The following SLC24A3 variants were observed in gnomAD, a reference collection of about 807,000 sequenced individuals.
The protein encoded by SLC24A3 is solute carrier family 24 member 3, also known as sodium/potassium/calcium exchanger 3.
Under a neutral mutation model 75.8 loss-of-function variants are expected in SLC24A3, and 28 were observed. The ratio of observed to expected loss-of-function variants is 0.37; its 90% CI spans 0.27 to 0.51. The LOEUF is 0.51. Among genes scored for constraint, SLC24A3 ranks in the 20% least tolerant of loss-of-function variants. SLC24A3 has a pLI of 0.94. For missense variants in SLC24A3, 663 were observed against 847.8 expected (o/e 0.78, Z 2.71); for synonymous variants, 372 against 334.1 (o/e 1.11, Z -1.24).
intron 2 of SLC24A3, among the ~76,000 whole-genome samples, chr20:19,300,807 G>A (rs1293035106): frequency 6.6e-6 from 1 of 152,138 alleles, no homozygotes; most frequent in East Asian, 1.9e-4. Context: ...GAGGCAGGCA[G>A]GAGGTTTCCA....
intron 2 of SLC24A3, among the ~76,000 whole-genome samples, chr20:19,286,126 C>T (rs753986401): frequency 6.6e-6 from 1 of 152,106 alleles, no homozygotes; most frequent in African/African-American, 2.4e-5. Context: ...CCTAAGGCCT[C>T]GAAAAGTGAA....
chr20:19,218,694 C>A (rs73124804), intron 1 of SLC24A3, among the ~76,000 whole-genome samples: 1 of 143,922 alleles, frequency 6.9e-6, no homozygotes, highest in African/African-American at 2.6e-5. Flanking sequence ...TTGTGGGAAG[C>A]TTTTTTTTTT....
chr20:19,662,209 C>A (rs1218336461), intron 7 of SLC24A3, among the ~76,000 whole-genome samples: 1 of 152,144 alleles, frequency 6.6e-6, no homozygotes, highest in Non-Finnish European at 1.5e-5. Flanking sequence ...TATCGCAGAG[C>A]CTGGCCCCCA....
chr20:19,283,586 A>C (rs1983720516), intron 2 of SLC24A3, among the ~76,000 whole-genome samples: 1 of 152,174 alleles, frequency 6.6e-6, no homozygotes, highest in Non-Finnish European at 1.5e-5. Context: ...TTTCCAGCCC[A>C]ATTGCAAACA....
intron 3 of SLC24A3, among the ~76,000 whole-genome samples, chr20:19,532,448 G>A (rs377021443): frequency 1.3e-5 from 2 of 152,180 alleles, no homozygotes; most frequent in South Asian, 2.1e-4. Context: ...CACCACAGTG[G>A]GGCCCCATCT....
chr20:19,298,776 C>T (rs1451510493), intron 2 of SLC24A3, among the ~76,000 whole-genome samples: 1 of 152,130 alleles, frequency 6.6e-6, no homozygotes, highest in East Asian at 1.9e-4. Flanking sequence ...TCCCAGTTAC[C>T]ACTGTGAGCA....
At chr20:19,617,482 G>C (rs1044148299) in intron 6 of SLC24A3, among the ~76,000 whole-genome samples, 3 of 152,180 alleles carry the variant, frequency 2.0e-5, no homozygotes, top group Non-Finnish European at 2.9e-5. Context: ...GCAGGGCTTT[G>C]AGGTGTCCAT....
chr20:19,431,907 TTCTGG>T (rs1274334750), intron 2 of SLC24A3, among the ~76,000 whole-genome samples: 14 of 151,794 alleles, frequency 9.2e-5, no homozygotes, highest in Admixed American at 9.2e-4. Context: ...AAGAAAGACT[TTCTGG>T]ATGGTGAGGG....
At chr20:19,427,590 C>T (rs547150470) in intron 2 of SLC24A3, among the ~76,000 whole-genome samples, 46 of 152,312 alleles carry the variant, frequency 3.0e-4, no homozygotes, top group African/African-American at 1.1e-3. Flanking sequence ...GGTGTGAAGA[C>T]GCTCCCTGTG....
rs368470596 is a variant in SLC24A3, at chr20:19,685,219, C to A, written c.1182C>A (p.Gly394=). The change falls in exon 12 of 17, where the codon GGC becomes GGA. Residue 394 remains glycine (G), a synonymous_variant. Coordinates refer to ENST00000328041, the MANE Select transcript of SLC24A3 (RefSeq NM_020689.4). ...GTGPSSAPDR[G]VNGTRRDDVV... is the part of the protein sequence containing the mutation. ...GGCCCAGCAGTGCCCCAGACAGGGG[C>A]GTGAATGGGACACGGAGGGACGATG... is the stretch of plus-strand genomic sequence containing the variant. 2 of 1,613,966 alleles carry A rather than the reference C, an allele frequency of 1.2e-6. No homozygotes were observed. The highest frequency in any genetic ancestry group is 2.7e-5 in the African/African-American group (2 of 74,974).
At chr20:19,428,621 T>G (rs576872654) in intron 2 of SLC24A3, among the ~76,000 whole-genome samples, 10 of 152,266 alleles carry the variant, frequency 6.6e-5, no homozygotes, top group African/African-American at 2.4e-4. Context: ...CTCCTTTGAG[T>G]GGGCAGGATA....
intron 15 of SLC24A3, among the ~76,000 whole-genome samples, chr20:19,706,841 G>A (rs1033488360): frequency 6.6e-6 from 1 of 152,170 alleles, no homozygotes; most frequent in Non-Finnish European, 1.5e-5. Context: ...AGAGAGAATA[G>A]GGTGATTGGA....
chr20:19,712,273 G>C (rs917414295), intron 15 of SLC24A3, among the ~76,000 whole-genome samples: 3 of 151,974 alleles, frequency 2.0e-5, no homozygotes, highest in African/African-American at 7.3e-5. Flanking sequence ...TAAACATACA[G>C]TATGTGGAGC....
At chr20:19,398,456 T>C (rs1211798049) in intron 2 of SLC24A3, among the ~76,000 whole-genome samples, 1 of 152,196 alleles carries the variant, frequency 6.6e-6, no homozygotes, top group Non-Finnish European at 1.5e-5. Context: ...TTTTGATATT[T>C]TGTTTTCATT....
intron 2 of SLC24A3, among the ~76,000 whole-genome samples, chr20:19,406,229 A>T (rs932881333): frequency 1.4e-4 from 21 of 151,100 alleles, no homozygotes; most frequent in South Asian, 8.4e-4. Flanking sequence ...TGTGTGTGTG[A>T]GAGAGAGAGA....
intron 1 of SLC24A3, among the ~76,000 whole-genome samples, chr20:19,249,169 C>A (rs1982578596): frequency 6.6e-6 from 1 of 152,078 alleles, no homozygotes; most frequent in South Asian, 2.1e-4. Context: ...TGTCAATGTG[C>A]AGTTGAAAAG....
intron 2 of SLC24A3, among the ~76,000 whole-genome samples, chr20:19,429,125 T>TA (rs1987060346): frequency 6.6e-6 from 1 of 152,248 alleles, no homozygotes; most frequent in Non-Finnish European, 1.5e-5. Context: ...CTCTGAAGGT[T>TA]ACTAAATGCA....
intron 6 of SLC24A3, among the ~76,000 whole-genome samples, chr20:19,631,791 A>AGT (rs148278633): frequency 0.35 from 51,997 of 147,736 alleles, 9,185 homozygotes; most frequent in Non-Finnish European, 0.41. Context: ...TATGAGTGAG[A>AGT]GTGTGTGTGT....
chr20:19,448,669 A>G lies in SLC24A3; in HGVS notation c.272-66819A>G, dbSNP rs116214777. ...GGAGGTATGAGACTGGGTTCAAGCTACCTTTTGGTCAAACCTGGGCCGCAC... is the reference window on the plus strand; with the variant it reads ...GGAGGTATGAGACTGGGTTCAAGCTGCCTTTTGGTCAAACCTGGGCCGCAC... On this transcript the variant is annotated intron_variant, in intron 2 of 16. Transcript: ENST00000328041. Among the ~76,000 whole-genome samples, 977 of 152,226 alleles carry G rather than the reference A, an allele frequency of 6.4e-3. 11 individuals are homozygous for G. The highest frequency in any genetic ancestry group is 0.022 in the African/African-American group (925 of 41,542).
Sources: allele counts gnomAD v4.1 joint callset (sites outside exome capture counted in the v4.1 genomes callset), GRCh38; gene constraint gnomAD v4.1.1; transcripts MANE v1.5; gene names NCBI Gene and HGNC (gene_info 2026-07-23, HGNC 2026-07-21).